GHRHR: variants seen among roughly 807,000 people sequenced by gnomAD.
GHRHR encodes growth hormone-releasing hormone receptor.
Under a neutral mutation model 58.3 loss-of-function variants are expected in GHRHR, and 40 were observed. The ratio of observed to expected loss-of-function variants is 0.69; its 90% CI spans 0.53 to 0.89. The LOEUF (loss-of-function observed/expected upper bound fraction) is 0.89. Among genes scored for constraint, GHRHR ranks in the 40% least tolerant of loss-of-function variants. The probability of loss-of-function intolerance (pLI) is 0.00; values close to 1 mark genes in which losing one functional copy is unlikely to be tolerated. For synonymous variants in GHRHR, 249 were observed against 216.6 expected, an observed-to-expected ratio of 1.15 and a Z score of -1.31; for missense variants, 551 against 541.3, an observed-to-expected ratio of 1.02 and a Z score of -0.18.
At chr7:30,975,291 T>C (rs1407220757) in intron 9 of GHRHR, among the ~76,000 whole-genome samples, 1 of 152,150 alleles carries the variant, frequency 6.6e-6, no homozygotes. Flanking sequence ...AATGTGCTGG[T>C]TGCAGATCAT....
At chr7:30,974,162 C>G in intron 7 of GHRHR, 24 bp downstream of exon 7, 1 of 1,611,042 alleles carries the variant, frequency 6.2e-7, no homozygotes. Flanking sequence ...GCGGGTTGGG[C>G]ACCATGGGGA....
In GHRHR at chr7:30,975,173, T is replaced by A; in HGVS notation, c.882+133T>A. On this transcript the variant is annotated intron_variant, in intron 9 of 12. Coordinates refer to ENST00000326139, the MANE Select transcript of GHRHR (RefSeq NM_000823.4). ...CTGGGCTCCAGCCTTGCTCTGCCAC[T>A]GATTCTCTGTGAGGCCCTCTCTGGG... The A allele has an allele frequency of 4.1e-6, 3 of 734,660 alleles. No homozygotes were observed. In the Admixed American group the frequency reaches 5.8e-5, roughly 14 times the overall value. The allele number at this position is 734,660 out of a possible 1,614,324, so 45.5% of individuals were successfully genotyped here.
At position 30,974,053 on chromosome 7, in the gene GHRHR, A is replaced by G; in HGVS notation, c.666A>G (p.Ala222=). 1.2e-6 allele frequency: 2 copies of G among 1,614,072 alleles called. No individual in the cohort carries two copies. Among genetic ancestry groups the G allele is most frequent in the Non-Finnish European group, 1.7e-6 (2 of 1,179,972 alleles). ...ATMTNFSWLL[A]EAVYLNCLLA... is the part of the protein sequence containing the mutation. ...TGACCAACTTCAGCTGGCTGTTGGC[A>G]GAAGCCGTCTACCTGAACTGCCTCC... Residue 222 remains alanine (A), a synonymous_variant, in exon 7 of 13, where the codon GCA becomes GCG. Transcript: ENST00000326139.
chr7:30,974,538 G>A (rs1299666802), intron 8 of GHRHR, 49 bp downstream of exon 8: 1 of 1,299,846 alleles, frequency 7.7e-7, no homozygotes, highest in Admixed American at 1.7e-5. Context: ...TACATGGGGT[G>A]TGGAGTGGAC....
chr7:30,972,282 C>T, intron 6 of GHRHR, 187 bp downstream of exon 6: 1 of 637,016 alleles, frequency 1.6e-6, no homozygotes, highest in Non-Finnish European at 2.8e-6. Context: ...CTTTCCTGGA[C>T]TGTGGTGTCG....
intron 3 of GHRHR, 100 bp downstream of exon 3, chr7:30,969,270 T>C (rs1639656319): frequency 1.2e-6 from 1 of 822,666 alleles, no homozygotes; most frequent in Admixed American, 2.0e-5. Flanking sequence ...TGGGTTTGTA[T>C]ACCAACTTCC....
chr7:30,977,136 T>A, intron 11 of GHRHR, 145 bp from the exon 12 acceptor site: 1 of 775,686 alleles, frequency 1.3e-6, no homozygotes, highest in Non-Finnish European at 2.3e-6. Flanking sequence ...TAGTAAGTAA[T>A]GAATGCATTT....
chr7:30,975,857 G>T lies in GHRHR; in HGVS notation c.963G>T (p.Gln321His). Residue 321 changes from glutamine to histidine, a missense_variant, in exon 10 of 13, where the codon CAG becomes CAT. Gln to His is a conservative substitution (Grantham distance 24, BLOSUM62 0). Coordinates refer to ENST00000326139, the MANE Select transcript of GHRHR (RefSeq NM_000823.4). ...CAGCTCAGGGCAGCCTCCATACCCA[G>T]TCTCAGTATTGGTACTGTGTGTTTG... ...LEPAQGSLHTQSQYWRLSKST... is the reference protein window; with the variant it reads ...LEPAQGSLHTHSQYWRLSKST... The T allele has an allele frequency of 6.3e-7, 1 of 1,582,964 alleles. No homozygotes were observed. Among genetic ancestry groups the T allele is most frequent in the Non-Finnish European group, 8.7e-7 (1 of 1,151,484 alleles).
Position 30,974,957 on chromosome 7 carries a change from T to A in GHRHR, c.813-14T>A. 6.3e-7 allele frequency: 1 copy of A among 1,595,494 alleles called. No individual in the cohort carries two copies. The highest frequency in any genetic ancestry group is 1.1e-5 in the South Asian group (1 of 90,672). On this transcript the variant is annotated splice_polypyrimidine_tract_variant and intron_variant, in intron 8 of 12. Coordinates refer to ENST00000326139, the MANE Select transcript of GHRHR (RefSeq NM_000823.4). ...GGGACTTTCCAACAACGGCCTTCTT[T>A]CCTCTCTCCCCAGGTGCTGGGACCT...
At chr7:30,976,036 T>C in intron 10 of GHRHR, 168 bp downstream of exon 10, 2 of 647,312 alleles carry the variant, frequency 3.1e-6, no homozygotes, top group South Asian at 3.6e-5. Context: ...ATCACAATAT[T>C]GGAAGGATGA....
Position 30,964,075 on chromosome 7 carries a change from C to T in GHRHR, c.7C>T (p.Arg3Cys), listed in dbSNP as rs374847216. Residue 3 changes from arginine (R) to cysteine (C), a missense_variant, in exon 1 of 13, where the codon CGC becomes TGC. Arg to Cys is a radical substitution (Grantham distance 180). Coordinates refer to ENST00000326139, the MANE Select transcript of GHRHR (RefSeq NM_000823.4). Reference sequence around the variant, plus strand: ...AGCCACTGCTGGGCTCACCATGGACCGCCGGATGTGGGGGGCCCACGTCTT... The same window carrying T: ...AGCCACTGCTGGGCTCACCATGGACTGCCGGATGTGGGGGGCCCACGTCTT... MD[R>C]RMWGAHVFCV... 4.3e-5 allele frequency: 67 copies of T among 1,550,646 alleles called. No homozygotes were observed. Among genetic ancestry groups the T allele is most frequent in the African/African-American group, 5.5e-5 (4 of 73,168 alleles).
At chr7:30,971,779 G>A (rs2128597811) in intron 5 of GHRHR, among the ~76,000 whole-genome samples, 184 bp from the exon 6 acceptor site, 1 of 152,272 alleles carries the variant, frequency 6.6e-6, no homozygotes, top group Non-Finnish European at 1.5e-5. Context: ...CCTGAGCACA[G>A]GAATGGTTGC....
chr7:30,966,641 T>TG (rs975043158), intron 1 of GHRHR, among the ~76,000 whole-genome samples: 2 of 121,510 alleles, frequency 1.6e-5, no homozygotes, highest in Non-Finnish European at 3.5e-5. Context: ...TGCTTCTTTT[T>TG]GTTTTTTTTT....
chr7:30,976,645 C>A (rs34661032), intron 11 of GHRHR, 87 bp downstream of exon 11: 42,114 of 1,122,692 alleles, frequency 0.038, 1,250 homozygotes, highest in African/African-American at 0.13. Context: ...GAGTTCATGA[C>A]AGGGTGAGGG....
intron 1 of GHRHR, among the ~76,000 whole-genome samples, chr7:30,967,031 G>T (rs1028236289): frequency 6.6e-6 from 1 of 151,834 alleles, no homozygotes; most frequent in African/African-American, 2.4e-5. Flanking sequence ...GTGAAAGCCT[G>T]GGGGAACAGA....
chr7:30,964,056 T>A lies in GHRHR; in HGVS notation c.-13T>A. 1.9e-6 allele frequency: 3 copies of A among 1,550,462 alleles called. No homozygotes were observed. Among genetic ancestry groups the A allele is most frequent in the Non-Finnish European group, 2.6e-6 (3 of 1,146,620 alleles). ...TACTGAGGCTGGTGGAGGGAGCCAC[T>A]GCTGGGCTCACCATGGACCGCCGGA... On this transcript the variant is annotated 5_prime_UTR_variant, in exon 1 of 13. Transcript: ENST00000326139.
At chr7:30,967,220 GA>G (rs1792376066) in intron 1 of GHRHR, among the ~76,000 whole-genome samples, 1 of 152,208 alleles carries the variant, frequency 6.6e-6, no homozygotes, top group Non-Finnish European at 1.5e-5. Context: ...GTGGGAGGGA[GA>G]AGTGCTAGAA....
At chr7:30,970,029 C>T in intron 4 of GHRHR, 65 bp downstream of exon 4, 1 of 794,358 alleles carries the variant, frequency 1.3e-6, no homozygotes, top group East Asian at 2.4e-5. Context: ...GGGTGCACAA[C>T]TGTAGGGGCC....
In GHRHR at chr7:30,974,134, C is replaced by T. The variant is rs757034595; in HGVS notation, c.747C>T (p.Gly249=). The T allele has an allele frequency of 1.2e-6, 2 of 1,613,788 alleles. No individual in the cohort carries two copies. Among genetic ancestry groups the T allele is most frequent in the Non-Finnish European group, 1.7e-6 (2 of 1,179,932 alleles). The change falls in exon 7 of 13, where the codon GGC becomes GGT. Residue 249 remains glycine (G), a synonymous_variant. Transcript: ENST00000326139. ...RRAFWWLVLA[G]WGLPVLFTGT... Reference sequence around the variant, plus strand: ...CCTTCTGGTGGCTGGTTCTCGCTGGCTGGGGTGAGCACTGAGGGCGGGTTG... The same window carrying T: ...CCTTCTGGTGGCTGGTTCTCGCTGGTTGGGGTGAGCACTGAGGGCGGGTTG...
Sources: allele counts gnomAD v4.1 joint callset (sites outside exome capture counted in the v4.1 genomes callset), GRCh38; gene constraint gnomAD v4.1.1; transcripts MANE v1.5; gene names NCBI Gene and HGNC (gene_info 2026-07-23, HGNC 2026-07-21).